The following DCAF1 variants were observed in gnomAD, a reference collection of about 807,000 sequenced individuals.
The protein encoded by DCAF1 is DDB1 and CUL4 associated factor 1.
A neutral mutation model predicts 128.0 loss-of-function variants in DCAF1; 15 were observed. The observed-to-expected ratio is 0.12, with a 90% confidence interval of 0.08 to 0.18. The LOEUF is 0.18. Among genes scored for constraint, DCAF1 ranks in the 10% least tolerant of loss-of-function variants. The pLI, the probability that DCAF1 is intolerant of heterozygous loss-of-function variation, is 1.00. For synonymous variants in DCAF1, 610 were observed against 603.0 expected (o/e 1.01, Z -0.17); for missense variants, 988 against 1,649.5 (o/e 0.60, Z 6.95).
chr3:51,406,362 A>C (rs1222875120), intron 23 of DCAF1, among the ~76,000 whole-genome samples: 2 of 151,272 alleles, frequency 1.3e-5, no homozygotes, highest in Admixed American at 6.6e-5. Context: ...AAAAAAAAAA[A>C]AAACCAAATT....
At chr3:51,496,098 CCTGA>C (rs1315158004) in intron 2 of DCAF1, among the ~76,000 whole-genome samples, 4 of 152,030 alleles carry the variant, frequency 2.6e-5, no homozygotes, top group African/African-American at 4.8e-5. Flanking sequence ...TCGAGACCAG[CCTGA>C]CTAATATGGA....
At chr3:51,459,015 A>C (rs1284042200) in intron 6 of DCAF1, among the ~76,000 whole-genome samples, 1 of 152,226 alleles carries the variant, frequency 6.6e-6, no homozygotes, top group African/African-American at 2.4e-5. Flanking sequence ...CTAGAAAAGC[A>C]AGAGCAAACA....
chr3:51,484,751 C>T (rs189179054), intron 2 of DCAF1, among the ~76,000 whole-genome samples: 6 of 146,560 alleles, frequency 4.1e-5, no homozygotes, highest in Admixed American at 1.4e-4. Context: ...GGCACAATCT[C>T]GGCTCACTGA....
intron 9 of DCAF1, among the ~76,000 whole-genome samples, chr3:51,433,726 G>A (rs1366479658): frequency 6.6e-6 from 1 of 150,940 alleles, no homozygotes; most frequent in Non-Finnish European, 1.5e-5. Context: ...GCCTCCTAAA[G>A]TGCTGGGATT....
chr3:51,500,266 T>G (rs1339738123), upstream of DCAF1, among the ~76,000 whole-genome samples: 1 of 151,998 alleles, frequency 6.6e-6, no homozygotes, highest in Non-Finnish European at 1.5e-5. Flanking sequence ...GGATTTGTAG[T>G]TTTTTTGGAT....
At chr3:51,411,417 T>C (rs1698406872) in intron 23 of DCAF1, among the ~76,000 whole-genome samples, 1 of 150,064 alleles carries the variant, frequency 6.7e-6, no homozygotes, top group Non-Finnish European at 1.5e-5. Context: ...CTGTGAGCCC[T>C]GTAGGCTGGA....
rs1698749246 is a variant in DCAF1 at position 51,414,979 on chromosome 3, T to C, written c.3604-122A>G. Reference sequence around the variant, plus strand: ...ACAAATTCTCCACATGGATCAATGATTACCACAGAATACTGCCTCCCAAAG... The same window carrying C: ...ACAAATTCTCCACATGGATCAATGACTACCACAGAATACTGCCTCCCAAAG... On this transcript the variant is annotated intron_variant, in intron 18 of 24. Transcript: ENST00000684031. 24 of 1,397,544 alleles carry C rather than the reference T, an allele frequency of 1.7e-5. No individual in the cohort carries two copies. The South Asian group carries it at 3.3e-4, about 19-fold the overall frequency. The allele number at this position is 1,397,544 out of a possible 1,614,324, so 86.6% of individuals were successfully genotyped here.
Position 51,493,912 on chromosome 3 carries a change from G to A in DCAF1, c.-9+2822C>T, listed in dbSNP as rs531501785. Among the ~76,000 whole-genome samples, 5 of 151,388 alleles carry A rather than the reference G, an allele frequency of 3.3e-5. No individual in the cohort carries two copies. The South Asian group carries it at 8.4e-4, about 25-fold the overall frequency. ...CTCAGGAGGCTGAGGCAGAAGCATC[G>A]CTTGAACCTGGGAGGCGGAGGTTGC... On this transcript the variant is annotated intron_variant, in intron 2 of 24. Transcript: ENST00000684031.
intron 6 of DCAF1, among the ~76,000 whole-genome samples, chr3:51,452,938 C>A (rs782355290): frequency 6.6e-6 from 1 of 151,740 alleles, no homozygotes; most frequent in Non-Finnish European, 1.5e-5. Context: ...ATCACTTGAA[C>A]CCAGGAGGTG....
chr3:51,422,507 C>A, intron 13 of DCAF1, 76 bp from the exon 14 acceptor site: 1 of 706,658 alleles, frequency 1.4e-6, no homozygotes. Flanking sequence ...GAGAGACACA[C>A]AGACAGATAG....
At chr3:51,450,922 T>C (rs1702278313) in intron 6 of DCAF1, among the ~76,000 whole-genome samples, 1 of 151,994 alleles carries the variant, frequency 6.6e-6, no homozygotes, top group Non-Finnish European at 1.5e-5. Context: ...TGACGTGATC[T>C]TATATGTGTA....
At chr3:51,403,818 TC>T (rs1164580794) in intron 23 of DCAF1, among the ~76,000 whole-genome samples, 1 of 152,188 alleles carries the variant, frequency 6.6e-6, no homozygotes, top group Non-Finnish European at 1.5e-5. Context: ...ACACAACTGC[TC>T]ATTATCTCCT....
At chr3:51,445,739 A>C (rs1577171110) in intron 6 of DCAF1, among the ~76,000 whole-genome samples, 1 of 152,274 alleles carries the variant, frequency 6.6e-6, no homozygotes, top group East Asian at 1.9e-4. Flanking sequence ...GATGAGGCCA[A>C]ATTTTTCCAA....
At chr3:51,436,928 TATAGAGAA>T (rs1270197970) in intron 9 of DCAF1, among the ~76,000 whole-genome samples, 5 of 152,222 alleles carry the variant, frequency 3.3e-5, no homozygotes, top group Admixed American at 3.3e-4. Flanking sequence ...TAAAGGTATG[TATAGAGAA>T]ATAATAAAGT....
rs180688530 is a variant in DCAF1, at chr3:51,497,976, G to C, written c.-55-1196C>G. On this transcript the variant is annotated intron_variant, in intron 1 of 24. Coordinates refer to ENST00000684031, the MANE Select transcript of DCAF1 (RefSeq NM_001387579.1). ...GAGGCACGAGAATGGCGTGAACCTG[G>C]GAGGCGGAGCTTGCAGTGAGCTGAG... Among the ~76,000 whole-genome samples the C allele has an allele frequency of 2.6e-4, 38 of 147,704 alleles. No homozygotes were observed. The East Asian group carries it at 6.8e-3, about 26-fold the overall frequency.
chr3:51,443,618 TAA>T, intron 7 of DCAF1, 146 bp downstream of exon 7: 1 of 764,042 alleles, frequency 1.3e-6, no homozygotes, highest in Non-Finnish European at 1.8e-6. Context: ...TTTCAATTTT[TAA>T]AAACTCTTAT....
intron 1 of DCAF1, among the ~76,000 whole-genome samples, chr3:51,497,059 C>A (rs1559590726): frequency 1.3e-5 from 2 of 152,124 alleles, no homozygotes; most frequent in Non-Finnish European, 2.9e-5. Context: ...CTTTGGGAGA[C>A]TGAAGTGGGT....
At chr3:51,438,280 T>TATATATATATA in intron 9 of DCAF1, among the ~76,000 whole-genome samples, 2 of 152,336 alleles carry the variant, frequency 1.3e-5, no homozygotes, top group South Asian at 4.1e-4. Flanking sequence ...TGTTGATTGC[T>TATATATATATA]TACGATATAC....
chr3:51,456,287 G>A (rs868954118), intron 6 of DCAF1, among the ~76,000 whole-genome samples: 2 of 152,198 alleles, frequency 1.3e-5, no homozygotes, highest in Non-Finnish European at 2.9e-5. Context: ...AGGGTCCTAC[G>A]CCCACAGAGT....
Sources: gnomAD v4.1 joint callset for allele counts (sites outside exome capture counted in the v4.1 genomes callset) on GRCh38, gnomAD v4.1.1 for gene constraint, MANE v1.5 for transcripts, NCBI Gene and HGNC (gene_info 2026-07-23, HGNC 2026-07-21) for gene names.